SLC9A9: variants seen among roughly 807,000 people sequenced by gnomAD.
SLC9A9 encodes the protein solute carrier family 9 member A9, also known as sodium/hydrogen exchanger 9.
SLC9A9 carries 62 observed loss-of-function variants against 77.8 expected under a neutral mutation model. The observed-to-expected ratio is 0.80, with a 90% CI of 0.65 to 0.98. SLC9A9 has a LOEUF of 0.98. Among genes scored for constraint, SLC9A9 ranks in the 50% least tolerant of loss-of-function variants. The probability of loss-of-function intolerance (pLI) is 0.00; values close to 1 mark genes in which losing one functional copy is unlikely to be tolerated. For missense variants in SLC9A9, 775 were observed against 774.9 expected (o/e 1.00, Z 0.00); for synonymous variants, 320 against 283.5 (o/e 1.13, Z -1.29).
intron 2 of SLC9A9, among the ~76,000 whole-genome samples, chr3:143,804,529 T>A (rs1286044848): frequency 6.6e-6 from 1 of 152,052 alleles, no homozygotes; most frequent in African/African-American, 2.4e-5. Context: ...CAGCACTCCT[T>A]CTCATCTTTT....
At position 143,494,272 on chromosome 3, in the gene SLC9A9, A is replaced by T. The variant is rs558972007; in HGVS notation, c.1204-508T>A. On this transcript the variant is annotated intron_variant, in intron 10 of 15. Coordinates refer to ENST00000316549, the MANE Select transcript of SLC9A9 (RefSeq NM_173653.4). Reference sequence around the variant, plus strand: ...GAGGAATTACCTGTCTAATTACATAATACAACTGTTGCTTTATCTGGCAAT... The same window carrying T: ...GAGGAATTACCTGTCTAATTACATATTACAACTGTTGCTTTATCTGGCAAT... Among the ~76,000 whole-genome samples, 18 of 152,376 alleles carry T rather than the reference A, an allele frequency of 1.2e-4. No homozygotes were observed. The South Asian group carries it at 1.2e-3, about 11-fold the overall frequency.
At chr3:143,408,977 C>T (rs2034038512) in intron 12 of SLC9A9, among the ~76,000 whole-genome samples, 1 of 152,186 alleles carries the variant, frequency 6.6e-6, no homozygotes, top group Non-Finnish European at 1.5e-5. Context: ...AGAACCCCTG[C>T]CGGGACCGCA....
rs549058822 is a variant in SLC9A9 at position 143,707,400 on chromosome 3, A to ACACACACC, written c.534-14094_534-14093insGGTGTGTG. On this transcript the variant is annotated intron_variant, in intron 4 of 15. Coordinates refer to ENST00000316549, the MANE Select transcript of SLC9A9 (RefSeq NM_173653.4). ...CACACACACACACACACACACACAC[A>ACACACACC]CCCCAGCTGGGAAGCCATCATGATT... is the stretch of plus-strand genomic sequence containing the variant. Among the ~76,000 whole-genome samples the ACACACACC allele has an allele frequency of 7.5e-3, 1,089 of 145,064 alleles. 14 individuals carry two copies. Among genetic ancestry groups the ACACACACC allele is most frequent in the African/African-American group, 0.026 (1,027 of 39,634 alleles).
chr3:143,708,053 T>A (rs1429421713), intron 4 of SLC9A9, among the ~76,000 whole-genome samples: 1 of 152,140 alleles, frequency 6.6e-6, no homozygotes, highest in Non-Finnish European at 1.5e-5. Context: ...GTGAAGTGCT[T>A]CAAGGTTCTT....
At chr3:143,632,160 A>C (rs562715400) in intron 6 of SLC9A9, among the ~76,000 whole-genome samples, 35 of 152,270 alleles carry the variant, frequency 2.3e-4, no homozygotes, top group South Asian at 1.2e-3. Flanking sequence ...TGAGGGGAGA[A>C]AATCAGTGGC....
intron 8 of SLC9A9, among the ~76,000 whole-genome samples, chr3:143,559,668 G>C (rs2037048331): frequency 6.6e-6 from 1 of 151,954 alleles, no homozygotes. Context: ...AAGCTTATAG[G>C]CTTTCAAAAT....
chr3:143,394,199 C>T (rs911552994), intron 12 of SLC9A9, among the ~76,000 whole-genome samples: 13 of 152,124 alleles, frequency 8.5e-5, no homozygotes, highest in African/African-American at 3.1e-4. Context: ...TGCAAAAATC[C>T]TCAATAAAAT....
chr3:143,811,881 AAAAG>A, intron 2 of SLC9A9: 1 of 332,436 alleles, frequency 3.0e-6, no homozygotes. Context: ...AAAAAAAAGA[AAAAG>A]AAAAGAAAAA....
chr3:143,715,702 A>G (rs1000930195), intron 4 of SLC9A9, among the ~76,000 whole-genome samples: 2 of 152,178 alleles, frequency 1.3e-5, no homozygotes, highest in African/African-American at 4.8e-5. Context: ...AGGAAGAATT[A>G]GAGAGGAAGG....
chr3:143,312,545 C>T (rs770986679), intron 14 of SLC9A9, among the ~76,000 whole-genome samples: 3 of 152,222 alleles, frequency 2.0e-5, no homozygotes, highest in Non-Finnish European at 4.4e-5. Flanking sequence ...TCCAGTGAAG[C>T]CATCTGTTCC....
Position 143,493,751 on chromosome 3 carries a change from A to G in SLC9A9, c.1217T>C (p.Val406Ala). 1 of 1,613,754 alleles carries G rather than the reference A, an allele frequency of 6.2e-7. No individual in the cohort carries two copies. Among genetic ancestry groups the G allele is most frequent in the Non-Finnish European group, 8.5e-7 (1 of 1,179,626 alleles). ...GGGATATATGTTGCAGGCTCTGGCA[A>G]CAAAAATTGCTAGCTGTAGATAAGC... ...FILGAFLAIFVARACNIYPLS... is the reference protein window; with the variant it reads ...FILGAFLAIFAARACNIYPLS... Residue 406 changes from valine to alanine, a missense_variant, in exon 11 of 16, where the codon GTT becomes GCT. Physicochemically the swap from Val to Ala is moderately conservative, Grantham distance 64. Transcript: ENST00000316549.
rs1236572354 is a variant in SLC9A9 at position 143,848,429 on chromosome 3, C to A, written c.-107G>T. The A allele has an allele frequency of 2.7e-5, 38 of 1,425,784 alleles. No individual in the cohort carries two copies. Among genetic ancestry groups the A allele is most frequent in the Non-Finnish European group, 4.9e-6 (5 of 1,015,242 alleles). 88.3% of individuals were successfully genotyped at this position (1,425,784 alleles called of 1,614,324 possible). On this transcript the variant is annotated 5_prime_UTR_variant, in exon 1 of 16. Coordinates refer to ENST00000316549, the MANE Select transcript of SLC9A9 (RefSeq NM_173653.4). Reference sequence around the variant, plus strand: ...CCTGAGAATTTCAGAAGAAACACTGCCACTTTAGTTGCTACTTCACAAGCA... The same window carrying A: ...CCTGAGAATTTCAGAAGAAACACTGACACTTTAGTTGCTACTTCACAAGCA...
chr3:143,314,559 G>T (rs1002450684), intron 14 of SLC9A9: 1 of 152,234 alleles, frequency 6.6e-6, no homozygotes, highest in Non-Finnish European at 1.5e-5. Flanking sequence ...TTAAAACAAA[G>T]CTCCATGGAA....
At chr3:143,608,026 G>A (rs766814409) in intron 6 of SLC9A9, among the ~76,000 whole-genome samples, 10 of 152,042 alleles carry the variant, frequency 6.6e-5, no homozygotes, top group African/African-American at 9.6e-5. Context: ...TAGAAAATGC[G>A]CAAATAAAGT....
At chr3:143,675,244 T>C (rs542758253) in intron 5 of SLC9A9, among the ~76,000 whole-genome samples, 2 of 152,344 alleles carry the variant, frequency 1.3e-5, no homozygotes, top group East Asian at 3.9e-4. Context: ...GTAACAGGGA[T>C]TGAACTAGAC....
At chr3:143,513,360 A>G (rs932064987) in intron 9 of SLC9A9, among the ~76,000 whole-genome samples, 1 of 152,178 alleles carries the variant, frequency 6.6e-6, no homozygotes, top group African/African-American at 2.4e-5. Flanking sequence ...CATCCATAAG[A>G]AACAACTCAT....
At chr3:143,466,434 T>C (rs2035281482) in intron 12 of SLC9A9, among the ~76,000 whole-genome samples, 1 of 152,234 alleles carries the variant, frequency 6.6e-6, no homozygotes. Context: ...GCTCCTCCCA[T>C]ACTTCAGGTT....
chr3:143,275,429 G>A (rs914045580), intron 14 of SLC9A9, among the ~76,000 whole-genome samples: 2 of 152,094 alleles, frequency 1.3e-5, no homozygotes, highest in South Asian at 2.1e-4. Context: ...TTTCAAGCTC[G>A]TTTTTAGGAG....
At chr3:143,407,381 T>C (rs1188690462) in intron 12 of SLC9A9, among the ~76,000 whole-genome samples, 5 of 152,208 alleles carry the variant, frequency 3.3e-5, no homozygotes, top group Non-Finnish European at 2.9e-5. Context: ...CAGCTGACAA[T>C]ATCCTAGGTG....
Sources: allele counts gnomAD v4.1 joint callset (sites outside exome capture counted in the v4.1 genomes callset), GRCh38; gene constraint gnomAD v4.1.1; transcripts MANE v1.5; gene names NCBI Gene and HGNC (gene_info 2026-07-23, HGNC 2026-07-21).